Variants in SLC30A9 observed in about 807,000 individuals in gnomAD.
SLC30A9 encodes the protein proton-coupled zinc antiporter SLC30A9, mitochondrial.
SLC30A9 carries 58 observed loss-of-function variants against 87.5 expected under a neutral mutation model. The observed-to-expected ratio is 0.66, with a 90% CI of 0.54 to 0.82. The LOEUF (loss-of-function observed/expected upper bound fraction) is 0.82, where lower values mean the gene tolerates loss of function less well. SLC30A9 is among the 40% of genes least tolerant of loss of function. The pLI, the probability that SLC30A9 is intolerant of heterozygous loss-of-function variation, is 0.00. For synonymous variants in SLC30A9, 234 were observed against 233.0 expected, an observed-to-expected ratio of 1.00 and a Z score of -0.04; for missense variants, 557 against 679.1, an observed-to-expected ratio of 0.82 and a Z score of 2.00.
chr4:42,009,386 A>G (rs893418594), intron 2 of SLC30A9, among the ~76,000 whole-genome samples: 1 of 152,246 alleles, frequency 6.6e-6, no homozygotes, highest in East Asian at 1.9e-4. Flanking sequence ...TGATAAAGTC[A>G]GGAACAGCTC....
chr4:42,013,138 T>A (rs1715522635), intron 2 of SLC30A9, among the ~76,000 whole-genome samples: 1 of 151,852 alleles, frequency 6.6e-6, no homozygotes, highest in African/African-American at 2.4e-5. Context: ...AAAATTAACT[T>A]TGATGTGATA....
Position 42,088,648 on chromosome 4 carries a change from C to T in SLC30A9, c.*2522C>T, listed in dbSNP as rs1187617418. ...GTAGGTGCCACACTCTTGTAAACAA[C>T]CAGATCTCATGAGAACTCACTATAC... On this transcript the variant is annotated 3_prime_UTR_variant, in exon 18 of 18. Coordinates refer to ENST00000264451, the MANE Select transcript of SLC30A9 (RefSeq NM_006345.4). 1.3e-5 allele frequency: 2 copies of T among 152,234 alleles called. No homozygotes were observed. The highest frequency in any genetic ancestry group is 2.4e-5 in the African/African-American group (1 of 41,414). 9.4% of individuals were successfully genotyped at this position (152,234 alleles called of 1,614,324 possible). A position where few individuals can be genotyped will look rare whatever the true frequency, so the allele number is the denominator to read the frequency against.
intron 15 of SLC30A9, 94 bp downstream of exon 15, chr4:42,070,785 G>T (rs1160132809): frequency 9.9e-7 from 1 of 1,011,672 alleles, no homozygotes; most frequent in Non-Finnish European, 1.4e-6. Context: ...GGAAGTTTTG[G>T]ATTCCTCGTC....
intron 2 of SLC30A9, among the ~76,000 whole-genome samples, chr4:42,016,741 T>G (rs1349018595): frequency 6.6e-6 from 1 of 152,062 alleles, no homozygotes; most frequent in Non-Finnish European, 1.5e-5. Flanking sequence ...AGATGGCCAT[T>G]ATTATGTTTG....
At chr4:42,065,829 GATAA>G (rs948369958) in intron 12 of SLC30A9, among the ~76,000 whole-genome samples, 2 of 152,090 alleles carry the variant, frequency 1.3e-5, no homozygotes, top group African/African-American at 2.4e-5. Flanking sequence ...CTAAAAATTG[GATAA>G]ATAATTATTT....
In SLC30A9 at chr4:42,084,150, CAA is replaced by C. The variant is rs1042955986; in HGVS notation, c.1663-1930_1663-1929del. ...TTTTGCAATTTTTATCAATAATGCA[CAA>C]AGTTTATAAAGTCAAATAGAACTGA... is the stretch of plus-strand genomic sequence containing the variant. On this transcript the variant is annotated intron_variant, in intron 17 of 17. Transcript: ENST00000264451. Among the ~76,000 whole-genome samples the C allele has an allele frequency of 3.4e-4, 52 of 152,216 alleles. 1 individual carries two copies. The highest frequency in any genetic ancestry group is 1.3e-3 in the African/African-American group (52 of 41,528).
At chr4:42,004,751 C>T (rs974233286) in intron 2 of SLC30A9, among the ~76,000 whole-genome samples, 5 of 150,622 alleles carry the variant, frequency 3.3e-5, no homozygotes, top group African/African-American at 9.8e-5. Flanking sequence ...CCTTGACCTC[C>T]GGGGCTCGAC....
At chr4:42,035,234 A>G in intron 6 of SLC30A9, 41 bp from the exon 7 acceptor site, 2 of 1,558,416 alleles carry the variant, frequency 1.3e-6, no homozygotes, top group South Asian at 1.1e-5. Context: ...TGTGACTGGT[A>G]AGAATATCTA....
At chr4:42,060,136 A>G (rs550630376) in intron 9 of SLC30A9, 55 bp from the exon 10 acceptor site, 10 of 1,376,698 alleles carry the variant, frequency 7.3e-6, no homozygotes, top group East Asian at 4.6e-5. Flanking sequence ...GCTTTACCAT[A>G]TTATACTCTC....
chr4:42,059,873 T>C (rs1717773139), intron 9 of SLC30A9, among the ~76,000 whole-genome samples: 1 of 152,218 alleles, frequency 6.6e-6, no homozygotes, highest in African/African-American at 2.4e-5. Flanking sequence ...TATAGAAAGC[T>C]CTACTCTAAC....
intron 7 of SLC30A9, among the ~76,000 whole-genome samples, chr4:42,038,626 G>A (rs1463955888): frequency 6.6e-6 from 1 of 152,152 alleles, no homozygotes; most frequent in East Asian, 1.9e-4. Flanking sequence ...TAGCTCTGAA[G>A]GCAGGTCAAT....
chr4:42,039,558 G>A (rs1716833836), intron 8 of SLC30A9, among the ~76,000 whole-genome samples: 1 of 151,652 alleles, frequency 6.6e-6, no homozygotes, highest in South Asian at 2.1e-4. Flanking sequence ...TGCCTCCCGG[G>A]TTCAAGCCAT....
intron 4 of SLC30A9, chr4:42,020,829 C>T (rs1223864349): frequency 5.0e-6 from 1 of 201,558 alleles, no homozygotes; most frequent in Non-Finnish European, 9.9e-6. Flanking sequence ...ACAGAATTCT[C>T]AATAAGATTA....
intron 17 of SLC30A9, among the ~76,000 whole-genome samples, chr4:42,079,148 C>A (rs7660403): frequency 0.043 from 6,596 of 152,106 alleles, 192 homozygotes; most frequent in African/African-American, 0.062. Context: ...AAGACGCTTT[C>A]ATTCTTAAAA....
At chr4:42,080,798 T>C (rs1022369962) in intron 17 of SLC30A9, among the ~76,000 whole-genome samples, 4 of 152,268 alleles carry the variant, frequency 2.6e-5, no homozygotes, top group South Asian at 2.1e-4. Flanking sequence ...TACACTGTTA[T>C]ATTAAAATCT....
chr4:42,034,589 G>C (rs952651126), intron 6 of SLC30A9, among the ~76,000 whole-genome samples: 1 of 152,140 alleles, frequency 6.6e-6, no homozygotes, highest in Non-Finnish European at 1.5e-5. Flanking sequence ...CCATGTTGTT[G>C]CATGTGACAG....
chr4:42,026,350 T>G (rs191953286), intron 6 of SLC30A9, among the ~76,000 whole-genome samples: 37 of 152,330 alleles, frequency 2.4e-4, no homozygotes, highest in African/African-American at 8.4e-4. Flanking sequence ...ATATTGCCAG[T>G]GCAGTTATAT....
chr4:42,007,267 C>T (rs747314791), intron 2 of SLC30A9, among the ~76,000 whole-genome samples: 15 of 151,982 alleles, frequency 9.9e-5, no homozygotes, highest in Non-Finnish European at 1.8e-4. Context: ...ACTGTTTGGC[C>T]AGCTGTCTAG....
intron 6 of SLC30A9, among the ~76,000 whole-genome samples, chr4:42,027,543 C>T (rs1234639320): frequency 1.3e-5 from 2 of 151,168 alleles, no homozygotes; most frequent in Non-Finnish European, 2.9e-5. Context: ...TTTTAAGTCA[C>T]AGTTGAGCAT....
Sources: gnomAD v4.1 joint callset for allele counts (sites outside exome capture counted in the v4.1 genomes callset) on GRCh38, gnomAD v4.1.1 for gene constraint, MANE v1.5 for transcripts, NCBI Gene and HGNC (gene_info 2026-07-23, HGNC 2026-07-21) for gene names.